Variants in DNAH3 observed in about 807,000 individuals in gnomAD.
DNAH3 encodes dynein axonemal heavy chain 3, also known as axonemal beta dynein heavy chain 3.
In DNAH3, 332 loss-of-function variants were observed where a neutral mutation model predicts 432.5. The ratio of observed to expected loss-of-function variants is 0.77; its 90% CI spans 0.70 to 0.84. The LOEUF (loss-of-function observed/expected upper bound fraction) is 0.84, where lower values mean the gene tolerates loss of function less well. DNAH3 is among the 40% of genes least tolerant of loss of function. DNAH3 has a pLI of 0.00. For synonymous variants in DNAH3, 1,956 were observed against 1,900.2 expected (o/e 1.03, Z -0.76); for missense variants, 4,861 against 5,114.0 (o/e 0.95, Z 1.51).
exon 49 of DNAH3, chr16:20,982,817 G>T: frequency 6.2e-7 from 1 of 1,614,124 alleles, no homozygotes; most frequent in South Asian, 1.1e-5. Flanking sequence ...CCAATCAATC[G>T]TACAGCAATT....
chr16:21,116,187 C>T (rs1042232861), intron 12 of DNAH3, among the ~76,000 whole-genome samples: 10 of 152,120 alleles, frequency 6.6e-5, no homozygotes, highest in African/African-American at 2.2e-4. Context: ...TCTTTTCACT[C>T]GTAAATTGTC....
exon 30 of DNAH3, chr16:21,049,971 C>T (rs770450578): frequency 6.2e-7 from 1 of 1,614,178 alleles, no homozygotes; most frequent in Non-Finnish European, 8.5e-7. Context: ...CCCAGCTGGA[C>T]CCTCTGGAGC....
At chr16:21,106,560 G>C in exon 15 of DNAH3, 1 of 1,612,254 alleles carries the variant, frequency 6.2e-7, no homozygotes, top group Non-Finnish European at 8.5e-7. Flanking sequence ...TCCTGAGTTT[G>C]AACACAGTGA....
At chr16:21,045,114 A>G (rs1330695904) in intron 31 of DNAH3, among the ~76,000 whole-genome samples, 8 of 151,922 alleles carry the variant, frequency 5.3e-5, no homozygotes, top group Non-Finnish European at 1.2e-4. Flanking sequence ...ATGTTCATCA[A>G]GGATATTGGT....
rs1320651945 is a variant in DNAH3 at position 21,157,386 on chromosome 16, C to A, written c.117+1939G>T. Reference sequence around the variant, plus strand: ...ACAGGGTCTCACTCTGTTGCCCAGGCTGGAGTGCAGTGTCTTCACTGCAAC... The same window carrying A: ...ACAGGGTCTCACTCTGTTGCCCAGGATGGAGTGCAGTGTCTTCACTGCAAC... On this transcript the variant is annotated intron_variant, in intron 1 of 61. Coordinates refer to ENST00000261383, the Ensembl canonical transcript of DNAH3. Among the ~76,000 whole-genome samples the A allele has an allele frequency of 2.8e-5, 4 of 142,482 alleles. No homozygotes were observed. In the Admixed American group the frequency reaches 3.0e-4, roughly 11 times the overall value. 93.5% of individuals were successfully genotyped at this position (142,482 alleles called of 152,430 possible). A position where few individuals can be genotyped will look rare whatever the true frequency, so the allele number is the denominator to read the frequency against.
intron 15 of DNAH3, among the ~76,000 whole-genome samples, chr16:21,105,764 G>A (rs949447346): frequency 1.3e-5 from 2 of 151,446 alleles, no homozygotes; most frequent in East Asian, 3.9e-4. Flanking sequence ...ACTCTGTCTC[G>A]ACAAAAAAAA....
At chr16:21,122,117 T>C in exon 10 of DNAH3, 1 of 1,610,642 alleles carries the variant, frequency 6.2e-7, no homozygotes, top group African/African-American at 1.3e-5. Flanking sequence ...CTTAAAATCA[T>C]TCCCATCCTT....
chr16:21,003,076 G>C, intron 42 of DNAH3, 28 bp downstream of exon 42: 3 of 1,451,452 alleles, frequency 2.1e-6, no homozygotes, highest in Non-Finnish European at 2.9e-6. Context: ...GGAAACCAAA[G>C]TTCCATGGCC....
intron 1 of DNAH3, among the ~76,000 whole-genome samples, chr16:21,147,860 T>G (rs1466869920): frequency 6.6e-6 from 1 of 152,226 alleles, no homozygotes; most frequent in African/African-American, 2.4e-5. Context: ...AAACAACCAC[T>G]TCACCTGGGA....
intron 55 of DNAH3, among the ~76,000 whole-genome samples, chr16:20,953,785 T>A (rs937310430): frequency 6.6e-6 from 1 of 151,708 alleles, no homozygotes; most frequent in African/African-American, 2.4e-5. Context: ...TACTTTGTCA[T>A]CCAGTTTGGA....
chr16:20,964,714 G>C, exon 53 of DNAH3: 1 of 1,614,166 alleles, frequency 6.2e-7, no homozygotes. Flanking sequence ...GGGAAGCCCA[G>C]CAATCTGCCA....
intron 44 of DNAH3, among the ~76,000 whole-genome samples, chr16:20,994,676 A>T (rs1322874993): frequency 6.6e-6 from 1 of 151,900 alleles, no homozygotes; most frequent in Non-Finnish European, 1.5e-5. Context: ...TTTGACAACC[A>T]CTTATTCTAC....
Position 21,020,901 on chromosome 16 carries a change from C to A in DNAH3, c.5777-1032G>T, listed in dbSNP as rs371699860. Among the ~76,000 whole-genome samples the A allele has an allele frequency of 3.3e-5, 5 of 152,218 alleles. No homozygotes were observed. The East Asian group carries it at 7.7e-4, about 24-fold the overall frequency. ...AAACAATAACTTCTCCCTCCATCCTCTCTCATCCCCCTTGCAACCAGAACT... is the reference window on the plus strand; with the variant it reads ...AAACAATAACTTCTCCCTCCATCCTATCTCATCCCCCTTGCAACCAGAACT... On this transcript the variant is annotated intron_variant, in intron 40 of 61. Coordinates refer to ENST00000261383, the Ensembl canonical transcript of DNAH3.
At chr16:21,056,201 C>A (rs908592199) in intron 27 of DNAH3, among the ~76,000 whole-genome samples, 6 of 152,282 alleles carry the variant, frequency 3.9e-5, no homozygotes, top group Admixed American at 6.5e-5. Context: ...TGCTGTTCAT[C>A]TTCAGGCTTT....
At chr16:21,097,466 C>G (rs780809576) in exon 18 of DNAH3, 1 of 1,613,902 alleles carries the variant, frequency 6.2e-7, no homozygotes, top group Admixed American at 1.7e-5. Flanking sequence ...GTACTCTTCT[C>G]CTTTTCCAAT....
At chr16:20,954,082 G>A (rs1191652418) in intron 55 of DNAH3, among the ~76,000 whole-genome samples, 3 of 151,468 alleles carry the variant, frequency 2.0e-5, no homozygotes, top group African/African-American at 4.8e-5. Flanking sequence ...AAAATTAACC[G>A]GGTGTGGTGG....
chr16:21,039,214 C>CTTTTTTTT (rs200708542), intron 33 of DNAH3, among the ~76,000 whole-genome samples: 6 of 126,012 alleles, frequency 4.8e-5, no homozygotes, highest in African/African-American at 9.4e-5. Context: ...TATAGTGTTG[C>CTTTTTTTT]TTTTTTTTTT....
intron 19 of DNAH3, among the ~76,000 whole-genome samples, chr16:21,085,619 A>G (rs1390679893): frequency 6.6e-6 from 1 of 151,716 alleles, no homozygotes; most frequent in African/African-American, 2.4e-5. Flanking sequence ...TTAGGTCTCC[A>G]GTTCAAGACT....
chr16:20,963,272 C>T lies in DNAH3; in HGVS notation c.10600+12G>A, dbSNP rs755742938. On this transcript the variant is annotated intron_variant, in intron 53 of 61. Transcript: ENST00000261383. ...GGCTTTCCACGTCTCTCCCACAACA[C>T]TCTGTTCTTACCTGCCATTGGGTCT... 3.7e-6 allele frequency: 6 copies of T among 1,609,806 alleles called. No homozygotes were observed. The South Asian group carries it at 5.5e-5, about 15-fold the overall frequency.
Sources: gnomAD v4.1 joint callset for allele counts (sites outside exome capture counted in the v4.1 genomes callset) on GRCh38, gnomAD v4.1.1 for gene constraint, MANE v1.5 for transcripts, NCBI Gene and HGNC (gene_info 2026-07-23, HGNC 2026-07-21) for gene names.